CERKL: variants seen among roughly 807,000 people sequenced by gnomAD.
The protein encoded by CERKL is ceramide kinase-like protein.
CERKL carries 61 observed loss-of-function variants against 63.4 expected under a neutral mutation model. That is an observed-to-expected ratio of 0.96 (90% confidence interval 0.78 to 1.19). The LOEUF is 1.19. Ranked by LOEUF, CERKL falls within the 50% of genes most tolerant of loss-of-function variation. The pLI is 0.00. For synonymous variants in CERKL, 250 were observed against 230.5 expected, an observed-to-expected ratio of 1.08 and a Z score of -0.77; for missense variants, 675 against 655.5, an observed-to-expected ratio of 1.03 and a Z score of -0.33.
intron 1 of CERKL, among the ~76,000 whole-genome samples, chr2:181,631,246 C>T (rs375974229): frequency 1.3e-5 from 2 of 152,112 alleles, no homozygotes; most frequent in Non-Finnish European, 2.9e-5. Flanking sequence ...AAAGTCTTTT[C>T]TTCATTACTT....
Position 181,550,809 on chromosome 2 carries a change from G to A in CERKL, c.821-1101C>T, listed in dbSNP as rs1482876068. Among the ~76,000 whole-genome samples the A allele has an allele frequency of 6.6e-6, 1 of 152,076 alleles. No homozygotes were observed. The highest frequency in any genetic ancestry group is 1.5e-5 in the Non-Finnish European group (1 of 68,012). ...TAATTTTTTAGGTAACTAAGAATAA[G>A]CATATTTAATTATTATTAATTATAA... On this transcript the variant is annotated intron_variant, in intron 5 of 12. Transcript: ENST00000410087. This position sits in a 1 kb window ranked among gnomAD's most constrained non-coding sequence, Gnocchi z 4.5.
At chr2:181,562,538 A>C (rs935857668) in intron 4 of CERKL, among the ~76,000 whole-genome samples, 7 of 152,334 alleles carry the variant, frequency 4.6e-5, no homozygotes, top group Admixed American at 2.0e-4. Context: ...GCAAAAAGCA[A>C]AGTATTCAAT....
intron 2 of CERKL, among the ~76,000 whole-genome samples, chr2:181,579,310 CA>C (rs1472921457): frequency 6.6e-6 from 1 of 151,932 alleles, no homozygotes; most frequent in African/African-American, 2.4e-5. Context: ...ACAGTATGTT[CA>C]AACTTTTTGA....
In CERKL at chr2:181,536,910, G is replaced by A. The variant is rs1379183021; in HGVS notation, c.*1274C>T. 2.2e-6 allele frequency: 1 copy of A among 453,424 alleles called. No homozygotes were observed. Among genetic ancestry groups the A allele is most frequent in the Non-Finnish European group, 4.4e-6 (1 of 226,514 alleles). The allele number at this position is 453,424 out of a possible 1,614,324, so 28.1% of individuals were successfully genotyped here. ...AGTGATCAAATTAGAAGGCAATGTG[G>A]AAAAACAATTCTGGGAAAGATTTCT... is the stretch of plus-strand genomic sequence containing the variant. On this transcript the variant is annotated 3_prime_UTR_variant, in exon 13 of 13. Coordinates refer to ENST00000410087, the MANE Select transcript of CERKL (RefSeq NM_201548.5).
At position 181,656,829 on chromosome 2, in the gene CERKL, C is replaced by G; in HGVS notation, c.178G>C (p.Asp60His). The G allele has an allele frequency of 1.2e-6, 2 of 1,603,280 alleles. No homozygotes were observed. Among genetic ancestry groups the G allele is most frequent in the Non-Finnish European group, 1.7e-6 (2 of 1,172,834 alleles). The change falls in exon 1 of 13, where the codon GAC becomes CAC. Residue 60 changes from aspartate to histidine, a missense_variant. Asp to His is a moderately conservative substitution (Grantham distance 81). Coordinates refer to ENST00000410087, the MANE Select transcript of CERKL (RefSeq NM_201548.5). Reference sequence around the variant, plus strand: ...AGTGCTCGCTCGCTCAGCACCACGTCACAACTGTCCCTCCCGATCTCGAAG... The same window carrying G: ...AGTGCTCGCTCGCTCAGCACCACGTGACAACTGTCCCTCCCGATCTCGAAG... ...GIFEIGRDSC[D>H]VVLSERALRW...
At chr2:181,579,333 T>C (rs1398706404) in intron 2 of CERKL, among the ~76,000 whole-genome samples, 1 of 152,008 alleles carries the variant, frequency 6.6e-6, no homozygotes, top group African/African-American at 2.4e-5. Context: ...CTTTGACAAA[T>C]GAAAAGTGAA....
At chr2:181,576,217 A>T (rs1348442427) in intron 2 of CERKL, among the ~76,000 whole-genome samples, 1 of 152,198 alleles carries the variant, frequency 6.6e-6, no homozygotes, top group Admixed American at 6.5e-5. Context: ...CAGTGAGAAA[A>T]ATCACTATTT....
intron 2 of CERKL, among the ~76,000 whole-genome samples, chr2:181,595,168 A>T (rs1044877659): frequency 3.3e-5 from 5 of 152,206 alleles, no homozygotes; most frequent in African/African-American, 1.2e-4. Flanking sequence ...TGCTAAACAT[A>T]AAGCCTGGTA....
chr2:181,657,044 G>A lies in CERKL; in HGVS notation c.-38C>T, dbSNP rs1272492785. Reference sequence around the variant, plus strand: ...GGCTGGGCCCGAGCCAGGGGTCCGGGGAGGCCTTTGGAGAAGGAGGTGGAG... The same window carrying A: ...GGCTGGGCCCGAGCCAGGGGTCCGGAGAGGCCTTTGGAGAAGGAGGTGGAG... On this transcript the variant is annotated 5_prime_UTR_variant, in exon 1 of 13. Coordinates refer to ENST00000410087, the MANE Select transcript of CERKL (RefSeq NM_201548.5). 2 of 1,530,278 alleles carry A rather than the reference G, an allele frequency of 1.3e-6. No individual in the cohort carries two copies. The highest frequency in any genetic ancestry group is 3.8e-5 in the Admixed American group (2 of 53,100). The allele number at this position is 1,530,278 out of a possible 1,614,324, so 94.8% of individuals were successfully genotyped here. A position where few individuals can be genotyped will look rare whatever the true frequency, so the allele number is the denominator to read the frequency against.
intron 1 of CERKL, among the ~76,000 whole-genome samples, chr2:181,638,882 T>A (rs1046050247): frequency 6.6e-6 from 1 of 152,114 alleles, no homozygotes; most frequent in African/African-American, 2.4e-5. Flanking sequence ...ACCTGCCTCA[T>A]CCCCTTTACG....
intron 2 of CERKL, among the ~76,000 whole-genome samples, chr2:181,591,345 A>G (rs1291288907): frequency 6.6e-6 from 1 of 152,108 alleles, no homozygotes; most frequent in Admixed American, 6.6e-5. Flanking sequence ...AAACATGTTA[A>G]TGTCCTACAT....
intron 5 of CERKL, among the ~76,000 whole-genome samples, chr2:181,553,771 C>G (rs933570989): frequency 1.3e-5 from 2 of 151,750 alleles, no homozygotes; most frequent in African/African-American, 4.8e-5. Flanking sequence ...TTTTGACACT[C>G]TGAAGAAAAA....
intron 1 of CERKL, among the ~76,000 whole-genome samples, chr2:181,647,302 G>T (rs1351423760): frequency 8.5e-5 from 13 of 152,206 alleles, no homozygotes; most frequent in Admixed American, 2.6e-4. Context: ...AACACTGTGA[G>T]CCAGACAACA....
At chr2:181,608,815 A>AT (rs1052843255) in intron 1 of CERKL, among the ~76,000 whole-genome samples, 10 of 152,208 alleles carry the variant, frequency 6.6e-5, no homozygotes, top group Non-Finnish European at 1.2e-4. Flanking sequence ...TGTTATCATA[A>AT]TTTTTTTTGT....
At chr2:181,594,279 G>A (rs1406960509) in intron 2 of CERKL, among the ~76,000 whole-genome samples, 1 of 152,196 alleles carries the variant, frequency 6.6e-6, no homozygotes, top group East Asian at 1.9e-4. Flanking sequence ...TATCCCCTTT[G>A]TGAGCCCACA....
intron 1 of CERKL, chr2:181,649,542 G>A (rs1260220532): frequency 1.3e-5 from 2 of 152,124 alleles, no homozygotes; most frequent in East Asian, 3.8e-4. Flanking sequence ...TTGGACTTAA[G>A]CTGAACCATA....
chr2:181,574,927 A>G (rs945568622), intron 2 of CERKL, among the ~76,000 whole-genome samples: 1 of 152,166 alleles, frequency 6.6e-6, no homozygotes, highest in Non-Finnish European at 1.5e-5. Context: ...CGAGGAAGAG[A>G]TAGGGTCATG....
intron 6 of CERKL, 128 bp downstream of exon 6, chr2:181,549,506 C>G (rs1466157718): frequency 1.3e-6 from 1 of 745,368 alleles, no homozygotes; most frequent in African/African-American, 1.8e-5. Context: ...GTTTTTTAGT[C>G]AAACATTTCT....
At chr2:181,628,861 G>A (rs568377142) in intron 1 of CERKL, among the ~76,000 whole-genome samples, 1 of 152,232 alleles carries the variant, frequency 6.6e-6, no homozygotes, top group East Asian at 1.9e-4. Context: ...CAATAAAGAT[G>A]TGTTTCCAGG....
Sources: allele counts gnomAD v4.1 joint callset (sites outside exome capture counted in the v4.1 genomes callset), GRCh38; gene constraint gnomAD v4.1.1; non-coding constraint Gnocchi (gnomAD v3.1); transcripts MANE v1.5; gene names NCBI Gene and HGNC (gene_info 2026-07-23, HGNC 2026-07-21).